Variants in ATIC observed in about 807,000 individuals in gnomAD.
ATIC encodes the protein 5-aminoimidazole-4-carboxamide ribonucleotide formyltransferase/IMP cyclohydrolase.
Under a neutral mutation model 72.5 loss-of-function variants are expected in ATIC, and 64 were observed. That is an observed-to-expected ratio of 0.88 (90% CI 0.72 to 1.09). ATIC has a LOEUF of 1.09. Ranked by LOEUF, ATIC falls within the 50% of genes least tolerant of loss-of-function variation. ATIC has a pLI of 0.00. For missense variants in ATIC, 787 were observed against 732.4 expected (o/e 1.07, Z -0.86); for synonymous variants, 281 against 267.1 (o/e 1.05, Z -0.51).
In ATIC at chr2:215,324,921, C is replaced by A. The variant is rs539107125; in HGVS notation, c.291-320C>A. On this transcript the variant is annotated intron_variant, in intron 4 of 15. Transcript: ENST00000236959. ...TACTTTATACTTCTATTAAAATGTT[C>A]TATAAATTTTTCATGGCTTGGTGGT... 9.9e-5 allele frequency among the ~76,000 whole-genome samples: 15 copies of A among 152,152 alleles called. No individual in the cohort carries two copies. In the South Asian group the frequency reaches 3.1e-3, roughly 32 times the overall value.
chr2:215,358,154 T>C, the ATIC span, among the ~76,000 whole-genome samples: 2 of 152,218 alleles, frequency 1.3e-5, no homozygotes, highest in African/African-American at 2.4e-5. Flanking sequence ...AGTGATGTTA[T>C]TATACAGACT....
In ATIC at chr2:215,318,165, C is replaced by T; in HGVS notation, c.155C>T (p.Ser52Phe). 6.2e-7 allele frequency: 1 copy of T among 1,614,030 alleles called. No homozygotes were observed. The highest frequency in any genetic ancestry group is 8.5e-7 in the Non-Finnish European group (1 of 1,179,920). ...RDAGLAVRDV[S>F]ELTGFPEMLG... The stretch of plus-strand genomic sequence containing the variant: ...GTTTATCTGTTTTTCAGAGATGTCT[C>T]TGAGTTGACGGGATTTCCTGAAATG... The change falls in exon 3 of 16, where the codon TCT becomes TTT. Residue 52 changes from serine (S) to phenylalanine (F), a missense_variant. Physicochemically the swap from Ser to Phe is radical, Grantham distance 155. Coordinates refer to ENST00000236959, the MANE Select transcript of ATIC (RefSeq NM_004044.7).
At chr2:215,357,243 A>G in the ATIC span, among the ~76,000 whole-genome samples, 1 of 152,192 alleles carries the variant, frequency 6.6e-6, no homozygotes, top group Non-Finnish European at 1.5e-5. Flanking sequence ...TTTACAAAGT[A>G]CCAAGTTGCA....
At chr2:215,318,292 T>C (rs2052731728) in intron 3 of ATIC, 59 bp downstream of exon 3, 12 of 1,462,662 alleles carry the variant, frequency 8.2e-6, no homozygotes, top group Non-Finnish European at 1.2e-5. Context: ...ATATTTTAGT[T>C]GATAGCGTCC....
the ATIC span, among the ~76,000 whole-genome samples, chr2:215,365,969 T>G: frequency 1.3e-5 from 1 of 75,966 alleles, no homozygotes; most frequent in African/African-American, 3.6e-5. Flanking sequence ...CAGTGCTATT[T>G]TTTTTTTTTT....
intron 11 of ATIC, 54 bp downstream of exon 11, chr2:215,336,178 T>C: frequency 7.4e-7 from 1 of 1,345,864 alleles, no homozygotes; most frequent in South Asian, 1.2e-5. Context: ...CTGTGTCTCT[T>C]TCTCCCTTGT....
At chr2:215,365,434 TGA>T in the ATIC span, 1 of 1,493,862 alleles carries the variant, frequency 6.7e-7, no homozygotes, top group East Asian at 2.3e-5. Context: ...TTTCTGTGAA[TGA>T]GAGTTACAGC....
intron 10 of ATIC, 30 bp from the exon 11 acceptor site, chr2:215,336,005 A>G (rs1304366852): frequency 3.3e-6 from 5 of 1,531,286 alleles, no homozygotes; most frequent in East Asian, 2.3e-5. Flanking sequence ...GATTTTTAAA[A>G]ATAGAAATTA....
chr2:215,330,574 GCA>G (rs901615541), intron 7 of ATIC, among the ~76,000 whole-genome samples: 1 of 152,130 alleles, frequency 6.6e-6, no homozygotes, highest in African/African-American at 2.4e-5. Context: ...TTGGAAAAAT[GCA>G]CAGTGGCATG....
intron 1 of ATIC, 123 bp from the exon 2 acceptor site, chr2:215,312,375 C>T: frequency 6.4e-7 from 1 of 1,563,314 alleles, no homozygotes; most frequent in Non-Finnish European, 8.8e-7. Context: ...ACCAGGCCTG[C>T]GAACGCAGGG....
intron 9 of ATIC, among the ~76,000 whole-genome samples, chr2:215,333,964 C>T (rs2052925372): frequency 6.6e-6 from 1 of 151,484 alleles, no homozygotes; most frequent in African/African-American, 2.4e-5. Flanking sequence ...ATGGTGTGAA[C>T]CCGGCAGGTG....
At chr2:215,317,058 TG>T (rs1325667020) in intron 2 of ATIC, among the ~76,000 whole-genome samples, 1 of 152,136 alleles carries the variant, frequency 6.6e-6, no homozygotes, top group Non-Finnish European at 1.5e-5. Context: ...CCACCCCACC[TG>T]GCCCCTGCTT....
chr2:215,351,989 C>T (rs1052758413), downstream of ATIC, among the ~76,000 whole-genome samples: 18 of 152,166 alleles, frequency 1.2e-4, no homozygotes, highest in Middle Eastern at 3.4e-3. Context: ...ATAACCTAGC[C>T]GAAGGACTTT....
At position 215,318,046 on chromosome 2, in the gene ATIC, A is replaced by T. The variant is rs4672766; in HGVS notation, c.147-111A>T. Reference sequence around the variant, plus strand: ...AATACTTTAAAAAATCAGAATTTTCACGTTGAATTCAGGCTCAAAATCTCT... The same window carrying T: ...AATACTTTAAAAAATCAGAATTTTCTCGTTGAATTCAGGCTCAAAATCTCT... On this transcript the variant is annotated intron_variant, in intron 2 of 15. Transcript: ENST00000236959. 1 allele frequency: 940,833 copies of T among 940,902 alleles called. 470,382 individuals are homozygous for T. The highest frequency in any genetic ancestry group is 1 in the Middle Eastern group (4,718 of 4,718). The allele number at this position is 940,902 out of a possible 1,614,324, so 58.3% of individuals were successfully genotyped here.
the ATIC span, among the ~76,000 whole-genome samples, chr2:215,366,548 C>T: frequency 2.6e-5 from 4 of 152,216 alleles, no homozygotes; most frequent in Non-Finnish European, 5.9e-5. Context: ...CTAAAAGTCA[C>T]AGTTTTATGC....
In ATIC at chr2:215,312,609, C is replaced by G; in HGVS notation, c.131C>G (p.Ala44Gly). 1 of 1,614,188 alleles carries G rather than the reference C, an allele frequency of 6.2e-7. No individual in the cohort carries two copies. Among genetic ancestry groups the G allele is most frequent in the Non-Finnish European group, 8.5e-7 (1 of 1,180,040 alleles). ...GGGACTGCAAAAGCTCTCAGGGATG[C>G]TGGTCTGGCAGTCAGGTAAGGCATA... is the stretch of plus-strand genomic sequence containing the variant. Reference protein sequence around the residue: ...SGGTAKALRDAGLAVRDVSEL... With the variant: ...SGGTAKALRDGGLAVRDVSEL... Residue 44 changes from alanine (A) to glycine (G), a missense_variant, in exon 2 of 16, where the codon GCT becomes GGT. Coordinates refer to ENST00000236959, the MANE Select transcript of ATIC (RefSeq NM_004044.7).
chr2:215,318,475 A>C (rs570803253), intron 3 of ATIC, among the ~76,000 whole-genome samples: 1 of 152,276 alleles, frequency 6.6e-6, no homozygotes, highest in African/African-American at 2.4e-5. Context: ...CTGATACCTA[A>C]TTTAGAGTCT....
the ATIC span, chr2:215,368,052 A>C: frequency 2.5e-6 from 4 of 1,612,582 alleles, no homozygotes; most frequent in African/African-American, 5.3e-5. Flanking sequence ...AAGAAAAAGC[A>C]AAAAGAGACA....
At chr2:215,346,454 C>T (rs1388149301) in intron 13 of ATIC, among the ~76,000 whole-genome samples, 2 of 152,042 alleles carry the variant, frequency 1.3e-5, no homozygotes, top group South Asian at 4.2e-4. Flanking sequence ...AGCCAGTGCA[C>T]CCAGCATTGG....
Sources: gnomAD v4.1 joint callset for allele counts (sites outside exome capture counted in the v4.1 genomes callset) on GRCh38, gnomAD v4.1.1 for gene constraint, MANE v1.5 for transcripts, NCBI Gene and HGNC (gene_info 2026-07-23, HGNC 2026-07-21) for gene names.